SEPTIN11: variants seen among roughly 807,000 people sequenced by gnomAD.
The protein encoded by SEPTIN11 is septin 11.
Under a neutral mutation model 51.4 loss-of-function variants are expected in SEPTIN11, and 25 were observed. That is an observed-to-expected ratio of 0.49 (90% CI 0.35 to 0.68). The LOEUF (loss-of-function observed/expected upper bound fraction) is 0.68. SEPTIN11 is among the 30% of genes least tolerant of loss of function. The pLI, the probability that SEPTIN11 is intolerant of heterozygous loss-of-function variation, is 0.00. For missense variants in SEPTIN11, 381 were observed against 520.8 expected (o/e 0.73, Z 2.61); for synonymous variants, 174 against 184.1 (o/e 0.95, Z 0.44).
chr4:77,015,059 C>A (rs963123721), intron 5 of SEPTIN11, 42 bp downstream of exon 5: 12 of 1,595,342 alleles, frequency 7.5e-6, no homozygotes, highest in Non-Finnish European at 7.7e-6. Context: ...TTTTTATGAA[C>A]GCCTGTCTTA....
At chr4:77,019,723 A>G (rs1725561401) in intron 6 of SEPTIN11, among the ~76,000 whole-genome samples, 1 of 152,208 alleles carries the variant, frequency 6.6e-6, no homozygotes. Flanking sequence ...GCACTGTGGG[A>G]CATGGCCACA....
At chr4:77,025,092 C>T (rs1375513346) in intron 7 of SEPTIN11, among the ~76,000 whole-genome samples, 1 of 147,538 alleles carries the variant, frequency 6.8e-6, no homozygotes, top group Admixed American at 6.9e-5. Flanking sequence ...ACCTGCCTCT[C>T]CCAAGGGCTG....
In SEPTIN11 at chr4:77,005,709, G is replaced by T. The variant is rs759200154; in HGVS notation, c.251G>T (p.Ser84Ile). 2.7e-5 allele frequency: 44 copies of T among 1,613,942 alleles called. No homozygotes were observed. Among genetic ancestry groups the T allele is most frequent in the Non-Finnish European group, 3.5e-5 (41 of 1,179,974 alleles). ...CCAGGTGTTCGGTTAAAAGCCAGAA[G>T]TTATGAGCTTCAGGAAAGCAATGTA... Reference protein sequence around the residue: ...NEPGVRLKARSYELQESNVRL... With the variant: ...NEPGVRLKARIYELQESNVRL... Residue 84 changes from serine (S) to isoleucine (I), a missense_variant, in exon 3 of 10, where the codon AGT (serine) becomes ATT (isoleucine). By Grantham distance (142) the Ser-to-Ile change is moderately radical. Around this residue, in one of 2 missense-constraint regions of SEPTIN11, gnomAD observed 184 missense variants for 207.7 expected, o/e 0.89. Coordinates refer to ENST00000264893, the MANE Select transcript of SEPTIN11 (RefSeq NM_018243.4).
intron 1 of SEPTIN11, among the ~76,000 whole-genome samples, chr4:76,995,432 G>A (rs2109933964): frequency 6.6e-6 from 1 of 150,674 alleles, no homozygotes; most frequent in East Asian, 1.9e-4. Flanking sequence ...TAAAAATGGA[G>A]CTTTGAGGAT....
intron 1 of SEPTIN11, among the ~76,000 whole-genome samples, chr4:76,954,868 T>TA (rs2109877106): frequency 6.6e-6 from 1 of 152,160 alleles, no homozygotes; most frequent in African/African-American, 2.4e-5. Flanking sequence ...GAGAGAGGGG[T>TA]AGGCTGAGGT....
intron 5 of SEPTIN11, among the ~76,000 whole-genome samples, chr4:77,016,593 C>CACACACATATATATAT (rs1725252584): frequency 2.9e-5 from 3 of 102,458 alleles, no homozygotes; most frequent in African/African-American, 7.7e-5. Context: ...CATATATATA[C>CACACACATATATATAT]ACACACATAT....
chr4:76,954,888 G>A (rs927828214), intron 1 of SEPTIN11, among the ~76,000 whole-genome samples: 7 of 152,290 alleles, frequency 4.6e-5, no homozygotes, highest in African/African-American at 1.7e-4. Context: ...TGGTGAGGTG[G>A]GAAAGAGACC....
chr4:76,974,642 C>T, intron 1 of SEPTIN11: 1 of 411,794 alleles, frequency 2.4e-6, no homozygotes. Flanking sequence ...TCGTTTCACA[C>T]TGCCAAGTGG....
chr4:76,988,907 C>T (rs1242673279), intron 1 of SEPTIN11, among the ~76,000 whole-genome samples: 2 of 152,208 alleles, frequency 1.3e-5, no homozygotes, highest in Non-Finnish European at 2.9e-5. Context: ...CCCAGCATAA[C>T]TGATAGAAAC....
intron 1 of SEPTIN11, chr4:76,974,954 C>T (rs1722420395): frequency 2.3e-6 from 1 of 435,484 alleles, no homozygotes; most frequent in African/African-American, 2.0e-5. Context: ...AAGACCCCAT[C>T]TCTACTAAAA....
At chr4:76,993,892 G>C (rs1723514437) in intron 1 of SEPTIN11, among the ~76,000 whole-genome samples, 2 of 152,124 alleles carry the variant, frequency 1.3e-5, no homozygotes, top group Non-Finnish European at 1.5e-5. Flanking sequence ...TGGGTGTGTG[G>C]GTGGCTTCTC....
In SEPTIN11 at chr4:76,996,202, C is replaced by T. The variant is rs576764990; in HGVS notation, c.28-223C>T. Among the ~76,000 whole-genome samples, 5 of 152,200 alleles carry T rather than the reference C, an allele frequency of 3.3e-5. No individual in the cohort carries two copies. In the South Asian group the frequency reaches 1.0e-3, roughly 32 times the overall value. On this transcript the variant is annotated intron_variant, in intron 1 of 9. Transcript: ENST00000264893. The stretch of plus-strand genomic sequence containing the variant: ...TACACTTGTAACAAGGAATGAGATG[C>T]TCAGGGAGATGGTCTGCTTTGGGAG...
intron 8 of SEPTIN11, among the ~76,000 whole-genome samples, chr4:77,029,765 T>C (rs924090022): frequency 9.3e-5 from 14 of 151,096 alleles, no homozygotes; most frequent in East Asian, 3.9e-4. Context: ...TATATATATA[T>C]ATACACACAC....
chr4:76,952,616 AG>A (rs1432936849), intron 1 of SEPTIN11, among the ~76,000 whole-genome samples: 1 of 152,226 alleles, frequency 6.6e-6, no homozygotes, highest in African/African-American at 2.4e-5. Context: ...GGCTAAATTC[AG>A]GTAAGTTTCT....
In SEPTIN11 at chr4:77,028,489, G is replaced by C. The variant is rs1056878700; in HGVS notation, c.954-140G>C. 3 of 932,378 alleles carry C rather than the reference G, an allele frequency of 3.2e-6. No homozygotes were observed. In the African/African-American group the frequency reaches 5.0e-5, roughly 16 times the overall value. The allele number at this position is 932,378 out of a possible 1,614,324, so 57.8% of individuals were successfully genotyped here. A position where few individuals can be genotyped will look rare whatever the true frequency, so the allele number is the denominator to read the frequency against. ...CCACAGCATAACTAAAAGCAAAACA[G>C]TGTCATTCTACTTATGCTTTGATCT... On this transcript the variant is annotated intron_variant, in intron 7 of 9. Transcript: ENST00000264893.
In SEPTIN11 at chr4:76,992,938, A is replaced by G. The variant is rs574957289; in HGVS notation, c.28-3487A>G. On this transcript the variant is annotated intron_variant, in intron 1 of 9. Coordinates refer to ENST00000264893, the MANE Select transcript of SEPTIN11 (RefSeq NM_018243.4). ...AAGGTGCTCCCTGGGGAGAAGTGGG[A>G]GGTTCAGTAGGAATGGAGACTTGAG... 3.3e-5 allele frequency among the ~76,000 whole-genome samples: 5 copies of G among 152,262 alleles called. No homozygotes were observed. The East Asian group carries it at 9.7e-4, about 29-fold the overall frequency.
Position 77,005,740 on chromosome 4 carries a change from G to A in SEPTIN11, c.282G>A (p.Leu94=), listed in dbSNP as rs766324463. 1 of 1,614,050 alleles carries A rather than the reference G, an allele frequency of 6.2e-7. No individual in the cohort carries two copies. Among genetic ancestry groups the A allele is most frequent in the Admixed American group, 1.7e-5 (1 of 60,010 alleles). ...AGCTTCAGGAAAGCAATGTACGGCT[G>A]AAGTTAACCATTGTTGACACCGTGG... ...SYELQESNVR[L]KLTIVDTVGF... Residue 94 remains leucine, a synonymous_variant, in exon 3 of 10, where the codon CTG becomes CTA. Transcript: ENST00000264893.
chr4:77,030,670 C>T (rs1261142575), intron 8 of SEPTIN11, 113 bp from the exon 9 acceptor site: 2 of 941,170 alleles, frequency 2.1e-6, no homozygotes, highest in African/African-American at 1.7e-5. Flanking sequence ...GCTGAAATTA[C>T]AGGCGTGAGC....
chr4:77,011,838 C>T lies in SEPTIN11; in HGVS notation c.442C>T (p.His148Tyr). 1 of 1,614,044 alleles carries T rather than the reference C, an allele frequency of 6.2e-7. No homozygotes were observed. The highest frequency in any genetic ancestry group is 8.5e-7 in the Non-Finnish European group (1 of 1,179,950). The change falls in exon 4 of 10, where the codon CAT (histidine) becomes TAT (tyrosine). Residue 148 changes from histidine to tyrosine, a missense_variant. His to Tyr is a moderately conservative substitution (Grantham distance 83, BLOSUM62 2). Coordinates refer to ENST00000264893, the MANE Select transcript of SEPTIN11 (RefSeq NM_018243.4). ...CTTCAACTACCATGACACGAGGATC[C>T]ATGCCTGCCTCTACTTTATTGCCCC... is the stretch of plus-strand genomic sequence containing the variant. The part of the protein sequence containing the change: ...SLFNYHDTRI[H>Y]ACLYFIAPTG...
Sources: allele counts gnomAD v4.1 joint callset (sites outside exome capture counted in the v4.1 genomes callset), GRCh38; gene constraint gnomAD v4.1.1; regional missense constraint gnomAD v4.1.1; transcripts MANE v1.5; gene names NCBI Gene and HGNC (gene_info 2026-07-23, HGNC 2026-07-21).